Variants in CSMD2 observed in about 807,000 individuals in gnomAD.
CSMD2 encodes the protein CUB and Sushi multiple domains 2.
In CSMD2, 130 loss-of-function variants were observed where a neutral mutation model predicts 398.5. The ratio of observed to expected loss-of-function variants is 0.33; its 90% CI spans 0.28 to 0.38. The LOEUF (loss-of-function observed/expected upper bound fraction) is 0.38. Ranked by LOEUF, CSMD2 falls within the 10% of genes least tolerant of loss-of-function variation. The probability of loss-of-function intolerance (pLI) is 1.00; values close to 1 mark genes in which losing one functional copy is unlikely to be tolerated. For missense variants in CSMD2, 3,829 were observed against 4,764.9 expected, an observed-to-expected ratio of 0.80 and a Z score of 5.78; for synonymous variants, 1,828 against 1,908.5, an observed-to-expected ratio of 0.96 and a Z score of 1.10.
chr1:34,094,166 T>C (rs1658987861), intron 1 of CSMD2, among the ~76,000 whole-genome samples: 1 of 151,506 alleles, frequency 6.6e-6, no homozygotes, highest in Non-Finnish European at 1.5e-5. Flanking sequence ...CTAAGCTTCA[T>C]AAGTGAAGGA....
At chr1:33,908,816 G>A (rs965977837) in intron 5 of CSMD2, among the ~76,000 whole-genome samples, 14 of 152,164 alleles carry the variant, frequency 9.2e-5, no homozygotes, top group East Asian at 3.9e-4. Flanking sequence ...ACTGCTCCGC[G>A]GCAGAGCTTG....
intron 3 of CSMD2, among the ~76,000 whole-genome samples, chr1:34,021,822 C>A (rs551098986): frequency 6.6e-6 from 1 of 152,200 alleles, no homozygotes; most frequent in African/African-American, 2.4e-5. Context: ...ATGATAAGTA[C>A]ACCTCAACTG....
At chr1:33,701,769 AAT>A (rs1215352447) in intron 22 of CSMD2, among the ~76,000 whole-genome samples, 1 of 152,260 alleles carries the variant, frequency 6.6e-6, no homozygotes, top group African/African-American at 2.4e-5. Context: ...ACATCAAGAT[AAT>A]ACAAGTTCAA....
chr1:33,751,882 C>T (rs1648302290), intron 13 of CSMD2, among the ~76,000 whole-genome samples: 1 of 152,072 alleles, frequency 6.6e-6, no homozygotes, highest in Admixed American at 6.6e-5. Context: ...GCCTTGGCCT[C>T]CCAAAGTGCT....
intron 46 of CSMD2, among the ~76,000 whole-genome samples, chr1:33,585,390 A>G (rs911326195): frequency 1.9e-4 from 29 of 152,148 alleles, no homozygotes; most frequent in African/African-American, 6.8e-4. Flanking sequence ...GGGCTTGGTA[A>G]TCAGCACGGG....
chr1:34,157,316 G>A (rs1458675346), intron 1 of CSMD2, among the ~76,000 whole-genome samples: 1 of 152,096 alleles, frequency 6.6e-6, no homozygotes, highest in Non-Finnish European at 1.5e-5. Flanking sequence ...TGTGAGGCGG[G>A]TCAAGGTATT....
chr1:34,044,526 A>G (rs1370705577), intron 2 of CSMD2, among the ~76,000 whole-genome samples: 1 of 139,130 alleles, frequency 7.2e-6, no homozygotes, highest in African/African-American at 2.6e-5. Flanking sequence ...TACAACAATC[A>G]TGAGGCTGTT....
At chr1:33,811,988 C>T (rs1302147618) in intron 9 of CSMD2, among the ~76,000 whole-genome samples, 3 of 152,192 alleles carry the variant, frequency 2.0e-5, no homozygotes, top group African/African-American at 4.8e-5. Context: ...TATCCTAGAG[C>T]TCCTTGCCAT....
chr1:34,083,937 C>T (rs1256487106), intron 2 of CSMD2, among the ~76,000 whole-genome samples: 1 of 151,918 alleles, frequency 6.6e-6, no homozygotes, highest in African/African-American at 2.4e-5. Flanking sequence ...ACATTAAAGA[C>T]TCAATAAATA....
intron 5 of CSMD2, among the ~76,000 whole-genome samples, chr1:33,894,415 G>C (rs1642245531): frequency 6.6e-6 from 1 of 152,194 alleles, no homozygotes. Context: ...TGCACAGCAG[G>C]CTGGAAGGGC....
intron 5 of CSMD2, among the ~76,000 whole-genome samples, chr1:33,870,011 C>T (rs565319040): frequency 3.9e-5 from 6 of 152,258 alleles, no homozygotes; most frequent in South Asian, 4.1e-4. Context: ...AACTGGCATC[C>T]GGGCCACACA....
intron 3 of CSMD2, among the ~76,000 whole-genome samples, chr1:33,948,577 C>T (rs553761548): frequency 6.6e-6 from 1 of 152,342 alleles, no homozygotes; most frequent in East Asian, 1.9e-4. Flanking sequence ...CACTTACTCT[C>T]CCACACATTT....
At chr1:33,969,089 G>T (rs531536505) in intron 3 of CSMD2, among the ~76,000 whole-genome samples, 9 of 152,292 alleles carry the variant, frequency 5.9e-5, no homozygotes, top group African/African-American at 2.2e-4. Context: ...AACGGTGGGA[G>T]TCAGTGAGAT....
chr1:33,931,912 G>T (rs756504197), intron 4 of CSMD2, among the ~76,000 whole-genome samples: 23 of 152,204 alleles, frequency 1.5e-4, no homozygotes, highest in Non-Finnish European at 2.6e-4. Context: ...GGGCACACCT[G>T]CCTACAGAGG....
chr1:33,584,791 G>C (rs11804345), intron 46 of CSMD2, among the ~76,000 whole-genome samples: 1 of 151,228 alleles, frequency 6.6e-6, no homozygotes, highest in East Asian at 1.9e-4. Flanking sequence ...TGAACAGAAA[G>C]GTCTCAGAAC....
In CSMD2 at chr1:33,573,406, A is replaced by T. The variant is rs141902853; in HGVS notation, c.7577-715T>A. 5.5e-3 allele frequency among the ~76,000 whole-genome samples: 834 copies of T among 152,302 alleles called. 10 individuals carry two copies. The highest frequency in any genetic ancestry group is 0.019 in the African/African-American group (794 of 41,558). ...TCCCCTTAGGAAACAGAGCTAATTT[A>T]GAAAACAGAAGATACACAATCTTTA... On this transcript the variant is annotated intron_variant, in intron 49 of 70. Coordinates refer to ENST00000373381, the MANE Select transcript of CSMD2 (RefSeq NM_001281956.2).
chr1:34,102,872 T>C (rs925086954), intron 1 of CSMD2, among the ~76,000 whole-genome samples: 3 of 152,200 alleles, frequency 2.0e-5, no homozygotes, highest in African/African-American at 7.2e-5. Flanking sequence ...TATTTGTTGA[T>C]AGCACTTAGC....
intron 10 of CSMD2, among the ~76,000 whole-genome samples, chr1:33,804,285 A>G (rs554293148): frequency 2.0e-5 from 3 of 152,226 alleles, no homozygotes; most frequent in Non-Finnish European, 4.4e-5. Flanking sequence ...ATGTGGGCTC[A>G]CCATGATCTG....
At chr1:33,648,321 C>T (rs1005540056) in intron 28 of CSMD2, among the ~76,000 whole-genome samples, 2 of 147,410 alleles carry the variant, frequency 1.4e-5, no homozygotes, top group African/African-American at 5.0e-5. Flanking sequence ...GAGATTGTGC[C>T]ACTGTACTCC....
Sources: allele counts gnomAD v4.1 joint callset (sites outside exome capture counted in the v4.1 genomes callset), GRCh38; gene constraint gnomAD v4.1.1; transcripts MANE v1.5; gene names NCBI Gene and HGNC (gene_info 2026-07-23, HGNC 2026-07-21).